The following AMBRA1 variants were observed in gnomAD, a reference collection of about 807,000 sequenced individuals.
AMBRA1 encodes the protein activating molecule in BECN1-regulated autophagy protein 1.
AMBRA1 carries 47 observed loss-of-function variants against 125.4 expected under a neutral mutation model. That is an observed-to-expected ratio of 0.37 (90% CI 0.30 to 0.48). The LOEUF is 0.48. Ranked by LOEUF, AMBRA1 falls within the 20% of genes least tolerant of loss-of-function variation. AMBRA1 has a pLI of 0.99. For missense variants in AMBRA1, 1,331 were observed against 1,693.4 expected, an observed-to-expected ratio of 0.79 and a Z score of 3.76; for synonymous variants, 626 against 655.5, an observed-to-expected ratio of 0.95 and a Z score of 0.69.
chr11:46,526,217 A>T (rs1412295511), intron 7 of AMBRA1, among the ~76,000 whole-genome samples: 2 of 152,124 alleles, frequency 1.3e-5, no homozygotes, highest in Admixed American at 6.5e-5. Flanking sequence ...AAAAATAAAT[A>T]AAAAACAATA....
intron 1 of AMBRA1, among the ~76,000 whole-genome samples, chr11:46,586,318 A>T (rs1392567113): frequency 6.6e-6 from 1 of 152,178 alleles, no homozygotes; most frequent in African/African-American, 2.4e-5. Context: ...CTGAGGCACA[A>T]GAATCGCTTG....
At chr11:46,514,355 A>G (rs892637390) in intron 7 of AMBRA1, among the ~76,000 whole-genome samples, 1 of 152,204 alleles carries the variant, frequency 6.6e-6, no homozygotes, top group Non-Finnish European at 1.5e-5. Context: ...CAGGACAACC[A>G]ACTATCAAGT....
intron 1 of AMBRA1, among the ~76,000 whole-genome samples, chr11:46,552,226 G>A (rs12576317): frequency 0.15 from 21,210 of 143,824 alleles, 1,572 homozygotes; most frequent in Middle Eastern, 0.2. Flanking sequence ...AAAATTAGCC[G>A]GGCGTGGTGG....
intron 7 of AMBRA1, among the ~76,000 whole-genome samples, chr11:46,534,635 C>T (rs1952381507): frequency 6.6e-6 from 1 of 152,168 alleles, no homozygotes; most frequent in Non-Finnish European, 1.5e-5. Flanking sequence ...AAGAACCAAA[C>T]TCATCCAGGA....
intron 14 of AMBRA1, among the ~76,000 whole-genome samples, chr11:46,418,685 C>A (rs542396909): frequency 5.5e-4 from 84 of 152,158 alleles, no homozygotes; most frequent in Non-Finnish European, 1.1e-3. Context: ...TTAACTCATG[C>A]CTGAGAACTT....
chr11:46,516,652 C>G (rs1951502396), intron 7 of AMBRA1, among the ~76,000 whole-genome samples: 1 of 151,956 alleles, frequency 6.6e-6, no homozygotes, highest in African/African-American at 2.4e-5. Flanking sequence ...CCAGGATGGT[C>G]TTGATCTCCT....
At chr11:46,541,608 A>G (rs1952745639) in intron 7 of AMBRA1, among the ~76,000 whole-genome samples, 1 of 152,208 alleles carries the variant, frequency 6.6e-6, no homozygotes, top group African/African-American at 2.4e-5. Context: ...AGTCCTGCAC[A>G]TACAATGTCT....
rs546796489 is a variant in AMBRA1 at position 46,495,564 on chromosome 11, T to C, written c.2340-1360A>G. The C allele has an allele frequency of 3.9e-5, 6 of 152,208 alleles. No individual in the cohort carries two copies. The East Asian group carries it at 1.2e-3, about 29-fold the overall frequency. The allele number at this position is 152,208 out of a possible 1,614,324, so 9.4% of individuals were successfully genotyped here. A position where few individuals can be genotyped will look rare whatever the true frequency, so the allele number is the denominator to read the frequency against. On this transcript the variant is annotated intron_variant, in intron 9 of 17. Transcript: ENST00000683756. ...TTCCTTTGACCTGAAATTGTGCAGA[T>C]GAAAGGAGGGGCAAGGAGAAAGAGA...
rs534380712 is a variant in AMBRA1, at chr11:46,419,448, G to C, written c.2977-1396C>G. Among the ~76,000 whole-genome samples the C allele has an allele frequency of 7.2e-5, 11 of 152,250 alleles. No homozygotes were observed. In the South Asian group the frequency reaches 1.7e-3, roughly 23 times the overall value. On this transcript the variant is annotated intron_variant, in intron 14 of 17. Coordinates refer to ENST00000683756, the MANE Select transcript of AMBRA1 (RefSeq NM_001387011.1). ...ACAAACACATACATTCAAATAATTT[G>C]GGAGATTAAAAGAGATGATGTATAA...
chr11:46,447,759 GATAGATA>G (rs1386347056), intron 11 of AMBRA1, among the ~76,000 whole-genome samples: 1 of 139,730 alleles, frequency 7.2e-6, no homozygotes, highest in African/African-American at 2.5e-5. Flanking sequence ...TAGATAGATA[GATAGATA>G]GATAGATAGA....
chr11:46,585,648 A>G (rs1347772082), intron 1 of AMBRA1, among the ~76,000 whole-genome samples: 1 of 96,710 alleles, frequency 1.0e-5, no homozygotes, highest in Non-Finnish European at 2.0e-5. Context: ...CCTGGGTGAC[A>G]GAGCAAGACT....
At chr11:46,588,781 A>T (rs993485293) in intron 1 of AMBRA1, among the ~76,000 whole-genome samples, 6 of 151,904 alleles carry the variant, frequency 3.9e-5, no homozygotes, top group African/African-American at 1.4e-4. Context: ...ATCTCAAAAA[A>T]AAAAAAAAAA....
At position 46,542,883 on chromosome 11, in the gene AMBRA1, A is replaced by G; in HGVS notation, c.1134T>C (p.Thr378=). ...PSAFSTVQSS[T]AGNTLRNLSL... is the part of the protein sequence containing the mutation. ...TGAGGTTGCGGAGCGTGTTGCCGGCAGTGCTGCTCTGGACTGTACTGAAGG... is the reference window on the plus strand; with the variant it reads ...TGAGGTTGCGGAGCGTGTTGCCGGCGGTGCTGCTCTGGACTGTACTGAAGG... The change falls in exon 7 of 18, where the codon ACT becomes ACC. Residue 378 remains threonine, a synonymous_variant. Transcript: ENST00000683756. The surrounding 1 kb of genome is among the most constrained non-coding windows in gnomAD (Gnocchi z 5.9). 1 of 1,613,020 alleles carries G rather than the reference A, an allele frequency of 6.2e-7. No individual in the cohort carries two copies. The highest frequency in any genetic ancestry group is 8.5e-7 in the Non-Finnish European group (1 of 1,179,924).
chr11:46,507,658 T>TG (rs1256292773), intron 9 of AMBRA1, among the ~76,000 whole-genome samples: 1 of 152,044 alleles, frequency 6.6e-6, no homozygotes, highest in African/African-American at 2.4e-5. Context: ...GGTTCCTGAA[T>TG]GGGGGGTAAG....
intron 9 of AMBRA1, among the ~76,000 whole-genome samples, chr11:46,506,598 G>C (rs73467936): frequency 0.012 from 1,833 of 152,228 alleles, 43 homozygotes; most frequent in African/African-American, 0.042. Flanking sequence ...GACCTGACCC[G>C]GCTATGTCAA....
chr11:46,554,553 AACAATTAC>A (rs1351007524), intron 1 of AMBRA1, among the ~76,000 whole-genome samples: 2 of 152,222 alleles, frequency 1.3e-5, no homozygotes, highest in Non-Finnish European at 2.9e-5. Flanking sequence ...GAGGGAGTAA[AACAATTAC>A]ACAATCTCTC....
chr11:46,547,919 A>C, intron 2 of AMBRA1, 44 bp from the exon 3 acceptor site: 1 of 1,567,402 alleles, frequency 6.4e-7, no homozygotes, highest in Non-Finnish European at 8.6e-7. Context: ...CATGATTTGT[A>C]GACCATGGTT....
chr11:46,469,620 A>G (rs1440729259), intron 11 of AMBRA1, among the ~76,000 whole-genome samples: 1 of 152,184 alleles, frequency 6.6e-6, no homozygotes, highest in African/African-American at 2.4e-5. Context: ...TTATCTTCAG[A>G]GTAAAATGAA....
At chr11:46,573,710 T>C (rs1473492554) in intron 1 of AMBRA1, among the ~76,000 whole-genome samples, 3 of 150,654 alleles carry the variant, frequency 2.0e-5, no homozygotes, top group African/African-American at 7.3e-5. Context: ...TACATGTGCA[T>C]ATTGTGCAGG....
Sources: allele counts gnomAD v4.1 joint callset (sites outside exome capture counted in the v4.1 genomes callset), GRCh38; gene constraint gnomAD v4.1.1; non-coding constraint Gnocchi (gnomAD v3.1); transcripts MANE v1.5; gene names NCBI Gene and HGNC (gene_info 2026-07-23, HGNC 2026-07-21).